PXDN: variants seen among roughly 807,000 people sequenced by gnomAD.
PXDN encodes peroxidasin, also known as peroxidasin homolog.
Under a neutral mutation model 140.3 loss-of-function variants are expected in PXDN, and 77 were observed. The observed-to-expected ratio is 0.55, with a 90% CI of 0.46 to 0.66. The LOEUF (loss-of-function observed/expected upper bound fraction) is 0.66, where lower values mean the gene tolerates loss of function less well. Ranked by LOEUF, PXDN falls within the 30% of genes least tolerant of loss-of-function variation. The pLI is 0.00. For synonymous variants in PXDN, 911 were observed against 857.4 expected (o/e 1.06, Z -1.09); for missense variants, 1,838 against 2,039.5 (o/e 0.90, Z 1.90).
intron 22 of PXDN, among the ~76,000 whole-genome samples, chr2:1,635,000 T>C: frequency 6.6e-6 from 1 of 152,216 alleles, no homozygotes; most frequent in Non-Finnish European, 1.5e-5. Context: ...TGACTGGAGA[T>C]GGGACAGGGC....
chr2:1,659,931 TGA>T (rs1261100062), intron 14 of PXDN, among the ~76,000 whole-genome samples: 2 of 152,084 alleles, frequency 1.3e-5, no homozygotes, highest in African/African-American at 2.4e-5. Flanking sequence ...TCAGTCACAA[TGA>T]GAGTGGAAAA....
chr2:1,681,177 C>A (rs1274425739), intron 6 of PXDN, among the ~76,000 whole-genome samples: 2 of 152,144 alleles, frequency 1.3e-5, no homozygotes, highest in African/African-American at 4.8e-5. Context: ...TGGGGTGGAG[C>A]CCACAGAGGT....
intron 8 of PXDN, among the ~76,000 whole-genome samples, chr2:1,674,210 T>C (rs1279641456): frequency 6.6e-6 from 1 of 152,228 alleles, no homozygotes; most frequent in Non-Finnish European, 1.5e-5. Context: ...TCTATGTGTA[T>C]TTTATTTTTT....
At chr2:1,692,038 G>C (rs1234332359) in intron 2 of PXDN, 39 bp from the exon 3 acceptor site, 13 of 1,386,928 alleles carry the variant, frequency 9.4e-6, no homozygotes, top group Non-Finnish European at 1.3e-5. Context: ...AAAAACAACA[G>C]AAAACAAACT....
chr2:1,708,035 G>T (rs527797773), intron 1 of PXDN, among the ~76,000 whole-genome samples: 64 of 152,314 alleles, frequency 4.2e-4, no homozygotes, highest in Non-Finnish European at 7.2e-4. Context: ...GAGAACAAGG[G>T]GGGCACGCCC....
At position 1,649,427 on chromosome 2, in the gene PXDN, G is replaced by A. The variant is rs1316655042; in HGVS notation, c.2353C>T (p.Arg785Ter). Residue 785 changes from arginine (R) to a stop codon, truncating the protein, a stop_gained, in exon 17 of 23, where the codon CGA becomes TGA. Transcript: ENST00000252804. LOFTEE classifies it high-confidence loss of function. This position sits in a 1 kb window ranked among gnomAD's most constrained non-coding sequence, Gnocchi z 7.1. ...GGAAGGGCGTGCCCGTTGTACAGTC[G>A]GTGGGGGTTGATGCCCCGAGGGGTG... ...FNTPRGINPHRLYNGHALPMP... is the reference protein window; with the variant it reads ...FNTPRGINPH The A allele has an allele frequency of 2.5e-6, 4 of 1,613,968 alleles. No homozygotes were observed. The highest frequency in any genetic ancestry group is 1.1e-5 in the South Asian group (1 of 91,084).
intron 1 of PXDN, among the ~76,000 whole-genome samples, chr2:1,727,046 C>T (rs909395958): frequency 2.0e-5 from 3 of 152,196 alleles, no homozygotes; most frequent in Non-Finnish European, 4.4e-5. Context: ...ACACATAGGT[C>T]TGGTCGGTTA....
In PXDN at chr2:1,648,438, G is replaced by C. The variant is rs769083609; in HGVS notation, c.3342C>G (p.Ile1114Met). Reference protein sequence around the residue: ...SPFRIVNEGGIDPLLRGLFGV... With the variant: ...SPFRIVNEGGMDPLLRGLFGV... ...CGAACAGCCCCCTGAGAAGCGGATC[G>C]ATGCCGCCCTCATTCACAATCCGGA... The change falls in exon 17 of 23, where the codon ATC becomes ATG. Residue 1114 changes from isoleucine (I) to methionine (M), a missense_variant. Physicochemically the swap from Ile to Met is conservative, Grantham distance 10. This residue lies in a region of PXDN where 850 missense variants were observed against 894.1 expected (regional missense o/e 0.95). Coordinates refer to ENST00000252804, the MANE Select transcript of PXDN (RefSeq NM_012293.3). This position sits in a 1 kb window ranked among gnomAD's most constrained non-coding sequence, Gnocchi z 8.9. 9.3e-6 allele frequency: 15 copies of C among 1,610,504 alleles called. No individual in the cohort carries two copies. Among genetic ancestry groups the C allele is most frequent in the Non-Finnish European group, 1.2e-5 (14 of 1,179,868 alleles).
intron 11 of PXDN, chr2:1,664,716 G>A (rs546593213): frequency 1.5e-5 from 7 of 479,270 alleles, no homozygotes; most frequent in South Asian, 3.7e-5. Flanking sequence ...AGTCTCTTCC[G>A]CAATGACAGA....
chr2:1,684,307 A>G (rs1683996027), intron 4 of PXDN, among the ~76,000 whole-genome samples, 156 bp from the exon 5 acceptor site: 1 of 152,226 alleles, frequency 6.6e-6, no homozygotes, highest in South Asian at 2.1e-4. Context: ...ACATAAAATT[A>G]TCAAATGATT....
chr2:1,730,915 C>G (rs1422571277), intron 1 of PXDN, among the ~76,000 whole-genome samples: 1 of 152,096 alleles, frequency 6.6e-6, no homozygotes, highest in Non-Finnish European at 1.5e-5. Context: ...CCTTTAATCC[C>G]CAAATGATAA....
intron 17 of PXDN, among the ~76,000 whole-genome samples, chr2:1,645,398 G>A (rs986839891): frequency 5.3e-5 from 8 of 152,220 alleles, no homozygotes; most frequent in East Asian, 1.9e-4. Context: ...ACTCGACTAC[G>A]CAGCAGATGA....
At chr2:1,680,548 G>A (rs767539480) in intron 6 of PXDN, among the ~76,000 whole-genome samples, 186 bp from the exon 7 acceptor site, 8 of 152,148 alleles carry the variant, frequency 5.3e-5, no homozygotes, top group East Asian at 1.9e-4. Context: ...GAGTGATGTC[G>A]AGACACACAC....
Position 1,648,825 on chromosome 2 carries a change from G to A in PXDN, c.2955C>T (p.Thr985=), listed in dbSNP as rs1324515827. Reference sequence around the variant, plus strand: ...CGCGGAACCACAGCGTGTGCATGCTGGTCAGGCCCAGCTGCTCGTTGGCGC... The same window carrying A: ...CGCGGAACCACAGCGTGTGCATGCTAGTCAGGCCCAGCTGCTCGTTGGCGC... ...DHRANEQLGL[T]SMHTLWFREH... is the part of the protein sequence containing the mutation. The change falls in exon 17 of 23, where the codon ACC becomes ACT. Residue 985 remains threonine (T), a synonymous_variant. Transcript: ENST00000252804. The surrounding 1 kb of genome is among the most constrained non-coding windows in gnomAD (Gnocchi z 8.9). 1 of 1,602,440 alleles carries A rather than the reference G, an allele frequency of 6.2e-7. No homozygotes were observed. The highest frequency in any genetic ancestry group is 1.7e-5 in the Admixed American group (1 of 58,944).
rs779017987 is a variant in PXDN, at chr2:1,643,386, A to G, written c.3934T>C (p.Trp1312Arg). The stretch of plus-strand genomic sequence containing the variant: ...CACGCACCTTCACAGCAGTCCTGCC[A>G]CACCCGGAGGTCTACCCTGGGGATC... ...DEIPRVDLRVWQDCCEDCRTR... is the reference protein window; with the variant it reads ...DEIPRVDLRVRQDCCEDCRTR... Residue 1312 changes from tryptophan to arginine, a missense_variant, in exon 19 of 23, where the codon TGG becomes CGG. Transcript: ENST00000252804. The G allele has an allele frequency of 1.2e-6, 2 of 1,613,842 alleles. No homozygotes were observed. Among genetic ancestry groups the G allele is most frequent in the Non-Finnish European group, 1.7e-6 (2 of 1,179,888 alleles).
chr2:1,666,865 TATTTAGAGTATA>T (rs1437990237), intron 9 of PXDN, among the ~76,000 whole-genome samples: 2 of 152,210 alleles, frequency 1.3e-5, no homozygotes, highest in Admixed American at 1.3e-4. Flanking sequence ...TAGGGAAGTA[TATTTAGAGTATA>T]CAAAATATCA....
intron 1 of PXDN, among the ~76,000 whole-genome samples, chr2:1,724,571 G>A (rs1026546721): frequency 2.0e-5 from 3 of 152,034 alleles, no homozygotes; most frequent in Admixed American, 1.3e-4. Flanking sequence ...GCTTCAAGAC[G>A]GCACCACTCT....
chr2:1,645,455 T>A (rs1311994182), intron 17 of PXDN, among the ~76,000 whole-genome samples: 1 of 152,192 alleles, frequency 6.6e-6, no homozygotes, highest in African/African-American at 2.4e-5. Context: ...TTTTAACATA[T>A]ATATATTCTA....
chr2:1,649,756 G>A lies in PXDN; in HGVS notation c.2105-81C>T, dbSNP rs1361678298. The A allele has an allele frequency of 6.8e-6, 10 of 1,475,890 alleles. No individual in the cohort carries two copies. In the Middle Eastern group the frequency reaches 5.5e-4, roughly 81 times the overall value. 91.4% of individuals were successfully genotyped at this position (1,475,890 alleles called of 1,614,324 possible). A position where few individuals can be genotyped will look rare whatever the true frequency, so the allele number is the denominator to read the frequency against. On this transcript the variant is annotated intron_variant, in intron 16 of 22. Coordinates refer to ENST00000252804, the MANE Select transcript of PXDN (RefSeq NM_012293.3). The surrounding 1 kb of genome is among the most constrained non-coding windows in gnomAD (Gnocchi z 7.1). Reference sequence around the variant, plus strand: ...CCCGGTACCCCTTGGCACCTCTGCCGCTGACATGGGGCTATCTACCCCCAG... The same window carrying A: ...CCCGGTACCCCTTGGCACCTCTGCCACTGACATGGGGCTATCTACCCCCAG...
Sources: gnomAD v4.1 joint callset for allele counts (sites outside exome capture counted in the v4.1 genomes callset) on GRCh38, gnomAD v4.1.1 for gene constraint, gnomAD v4.1.1 regional missense constraint, Gnocchi (gnomAD v3.1) non-coding constraint, MANE v1.5 for transcripts, NCBI Gene and HGNC (gene_info 2026-07-23, HGNC 2026-07-21) for gene names.